Variants in C4orf51 observed in about 807,000 individuals in gnomAD.
C4orf51 encodes the protein chromosome 4 open reading frame 51, also known as uncharacterized protein C4orf51.
C4orf51 carries 25 observed loss-of-function variants against 25.2 expected under a neutral mutation model. The observed-to-expected ratio is 0.99, with a 90% CI of 0.72 to 1.39. The LOEUF is 1.39. Ranked by LOEUF, C4orf51 falls within the 40% of genes most tolerant of loss-of-function variation. C4orf51 has a pLI of 0.00. For synonymous variants in C4orf51, 100 were observed against 84.5 expected (o/e 1.18, Z -1.01); for missense variants, 252 against 239.6 (o/e 1.05, Z -0.34).
At chr4:145,731,031 G>C (rs1040216904) in intron 5 of C4orf51, among the ~76,000 whole-genome samples, 1 of 152,112 alleles carries the variant, frequency 6.6e-6, no homozygotes, top group African/African-American at 2.4e-5. Flanking sequence ...AGTTGTTTGG[G>C]GGCATTTGTA....
chr4:145,704,956 C>T (rs902980300), intron 2 of C4orf51, among the ~76,000 whole-genome samples: 1 of 152,210 alleles, frequency 6.6e-6, no homozygotes, highest in Non-Finnish European at 1.5e-5. Flanking sequence ...AGATCAAGTG[C>T]GCAGTTTGAC....
chr4:145,700,893 T>G (rs1029027991), intron 2 of C4orf51, among the ~76,000 whole-genome samples: 6 of 152,194 alleles, frequency 3.9e-5, no homozygotes, highest in Admixed American at 1.3e-4. Context: ...GCTTACGGTT[T>G]AATTCCATGA....
At chr4:145,778,520 A>G in the C4orf51 span, among the ~76,000 whole-genome samples, 1 of 152,148 alleles carries the variant, frequency 6.6e-6, no homozygotes, top group East Asian at 1.9e-4. Context: ...GCTGAGATGG[A>G]AGGATCACTT....
In C4orf51 at chr4:145,765,307, T is replaced by A; in HGVS notation, n.167-5681T>A. 1 of 1,043,554 alleles carries A rather than the reference T, an allele frequency of 9.6e-7. No individual in the cohort carries two copies. The highest frequency in any genetic ancestry group is 1.7e-5 in the South Asian group (1 of 58,614). The allele number at this position is 1,043,554 out of a possible 1,614,324, so 64.6% of individuals were successfully genotyped here. ...CCTTCCAGGCACTGTTCCCCATATC[T>A]CTGTGCTAAAAGGAGTTAAATGTAC... On this transcript the variant is annotated intron_variant and non_coding_transcript_variant, in intron 1 of 1. Transcript: ENST00000510096. The surrounding 1 kb of genome is among the most constrained non-coding windows in gnomAD (Gnocchi z 4.7).
downstream of C4orf51, among the ~76,000 whole-genome samples, chr4:145,734,991 C>T (rs1732725354): frequency 6.6e-6 from 1 of 152,192 alleles, no homozygotes; most frequent in African/African-American, 2.4e-5. Context: ...GGGAAGAGAG[C>T]CCAGGCACAA....
the C4orf51 span, among the ~76,000 whole-genome samples, chr4:145,776,395 G>C: frequency 6.6e-6 from 1 of 151,764 alleles, no homozygotes; most frequent in East Asian, 1.9e-4. Flanking sequence ...CAGGAGGTCA[G>C]GGTTACAGTG....
chr4:145,783,738 G>A, the C4orf51 span, among the ~76,000 whole-genome samples: 4 of 152,140 alleles, frequency 2.6e-5, no homozygotes, highest in Non-Finnish European at 5.9e-5. Context: ...GAAATGGCTG[G>A]GACTCTGGCA....
At chr4:145,704,361 A>T (rs1308827637) in intron 2 of C4orf51, among the ~76,000 whole-genome samples, 1 of 152,218 alleles carries the variant, frequency 6.6e-6, no homozygotes, top group Non-Finnish European at 1.5e-5. Flanking sequence ...TACAGATGCA[A>T]ATTTCCCCCA....
chr4:145,742,037 C>T (rs180842465), intron 1 of C4orf51, among the ~76,000 whole-genome samples: 38 of 152,302 alleles, frequency 2.5e-4, no homozygotes, highest in Admixed American at 8.5e-4. Flanking sequence ...AAACTCAATA[C>T]AAGGGTAGAC....
In C4orf51 at chr4:145,750,413, T is replaced by C. The variant is rs1050453434; in HGVS notation, n.168-3794T>C. On this transcript the variant is annotated intron_variant and non_coding_transcript_variant, in intron 1 of 1. Transcript: ENST00000508981. ...CAGATACACTATTCTAGGGTAAAAG[T>C]TTTTTTTTTTTTTTTTTTTTTCCTT... Among the ~76,000 whole-genome samples, 5 of 2,342 alleles carry C rather than the reference T, an allele frequency of 2.1e-3. No individual in the cohort carries two copies. The South Asian group carries it at 0.029, about 13-fold the overall frequency. 1.5% of individuals were successfully genotyped at this position (2,342 alleles called of 152,430 possible). A position where few individuals can be genotyped will look rare whatever the true frequency, so the allele number is the denominator to read the frequency against.
At chr4:145,727,375 A>G (rs2126763806) in intron 3 of C4orf51, among the ~76,000 whole-genome samples, 1 of 152,316 alleles carries the variant, frequency 6.6e-6, no homozygotes, top group South Asian at 2.1e-4. Flanking sequence ...GAACATCCTT[A>G]TAAATGTCTC....
Position 145,766,274 on chromosome 4 carries a change from A to G in C4orf51, n.167-4714A>G, listed in dbSNP as rs112221220. On this transcript the variant is annotated intron_variant and non_coding_transcript_variant, in intron 1 of 1. Coordinates refer to the C4orf51 transcript ENST00000510096. Reference sequence around the variant, plus strand: ...AAGCCAGATACAAACAAGTCAGCAGACCATTAAAATCTAGTGTCAGAAGAC... The same window carrying G: ...AAGCCAGATACAAACAAGTCAGCAGGCCATTAAAATCTAGTGTCAGAAGAC... Among the ~76,000 whole-genome samples, 255 of 152,268 alleles carry G rather than the reference A, an allele frequency of 1.7e-3. 1 individual carries two copies. Among genetic ancestry groups the G allele is most frequent in the African/African-American group, 5.8e-3 (241 of 41,558 alleles).
In C4orf51 at chr4:145,761,358, C is replaced by A. The variant is rs1291268437; in HGVS notation, n.167-9630C>A. 3.1e-6 allele frequency: 4 copies of A among 1,289,848 alleles called. No homozygotes were observed. In the African/African-American group the frequency reaches 6.1e-5, roughly 20 times the overall value. The allele number at this position is 1,289,848 out of a possible 1,614,324, so 79.9% of individuals were successfully genotyped here. On this transcript the variant is annotated intron_variant and non_coding_transcript_variant, in intron 1 of 1. Transcript: ENST00000510096. The surrounding 1 kb of genome is among the most constrained non-coding windows in gnomAD (Gnocchi z 6.8). The stretch of plus-strand genomic sequence containing the variant: ...AGCTGCACTGGTCACAGTGGAAGGG[C>A]CGCTCCCCGGTGTGGACGCGCACGT...
At position 145,763,912 on chromosome 4, in the gene C4orf51, CCT is replaced by C. The variant is rs1378772207; in HGVS notation, n.167-7075_167-7074del. On this transcript the variant is annotated intron_variant and non_coding_transcript_variant, in intron 1 of 1. Coordinates refer to the C4orf51 transcript ENST00000510096. The surrounding 1 kb of genome is among the most constrained non-coding windows in gnomAD (Gnocchi z 4.6). ...GAGTTCAACGGAGGTCCTGTTGTTC[CCT>C]GACTCTTCTATGTGGGGGAGTTTTT... is the stretch of plus-strand genomic sequence containing the variant. 1.3e-5 allele frequency among the ~76,000 whole-genome samples: 2 copies of C among 152,014 alleles called. No individual in the cohort carries two copies. Among genetic ancestry groups the C allele is most frequent in the Non-Finnish European group, 1.5e-5 (1 of 68,002 alleles).
At chr4:145,696,434 G>A (rs1310835716) in intron 1 of C4orf51, 125 bp from the exon 2 acceptor site, 18 of 764,314 alleles carry the variant, frequency 2.4e-5, no homozygotes, top group Non-Finnish European at 3.8e-5. Context: ...ACCTTCACAT[G>A]TACTCCCAAA....
At position 145,732,435 on chromosome 4, in the gene C4orf51, C is replaced by CA; in HGVS notation, c.502-17dup. 6.4e-7 allele frequency: 1 copy of CA among 1,563,496 alleles called. No individual in the cohort carries two copies. The highest frequency in any genetic ancestry group is 1.4e-5 in the African/African-American group (1 of 73,966). On this transcript the variant is annotated splice_polypyrimidine_tract_variant and intron_variant, in intron 5 of 5. Coordinates refer to ENST00000438731, the MANE Select transcript of C4orf51 (RefSeq NM_001080531.3). ...TTGCGGATGAGCGAGTGTTGACAACCAGGCCATTTTTCTCCAGCTTCATGG... is the reference window on the plus strand; with the variant it reads ...TTGCGGATGAGCGAGTGTTGACAACCAAGGCCATTTTTCTCCAGCTTCATGG...
Position 145,766,432 on chromosome 4 carries a change from C to A in C4orf51, n.167-4556C>A, listed in dbSNP as rs987285197. Among the ~76,000 whole-genome samples the A allele has an allele frequency of 3.3e-5, 5 of 152,198 alleles. No homozygotes were observed. In the Middle Eastern group the frequency reaches 0.01, roughly 311 times the overall value. The stretch of plus-strand genomic sequence containing the variant: ...ATGTTAGGCAATGAAGAAAAGTGGC[C>A]CCTGAGAGACAGGAAACAAAAGAGG... On this transcript the variant is annotated intron_variant and non_coding_transcript_variant, in intron 1 of 1. Coordinates refer to the C4orf51 transcript ENST00000510096.
chr4:145,740,480 T>C (rs1364319624), intron 1 of C4orf51, among the ~76,000 whole-genome samples: 2 of 152,218 alleles, frequency 1.3e-5, no homozygotes, highest in African/African-American at 2.4e-5. Flanking sequence ...CTATACATTA[T>C]ATAAATACCC....
At chr4:145,711,918 ATGTATTCACTTCT>A (rs772809622) in intron 2 of C4orf51, among the ~76,000 whole-genome samples, 23 of 152,126 alleles carry the variant, frequency 1.5e-4, no homozygotes, top group Non-Finnish European at 3.2e-4. Context: ...TTCCAACAGT[ATGTATTCACTTCT>A]TGTCTCTGTG....
Sources: gnomAD v4.1 joint callset for allele counts (sites outside exome capture counted in the v4.1 genomes callset) on GRCh38, gnomAD v4.1.1 for gene constraint, Gnocchi (gnomAD v3.1) non-coding constraint, MANE v1.5 for transcripts, NCBI Gene and HGNC (gene_info 2026-07-23, HGNC 2026-07-21) for gene names.